ST6GALNAC3: variants seen among roughly 807,000 people sequenced by gnomAD.
The protein encoded by ST6GALNAC3 is ST6 N-acetylgalactosaminide alpha-2,6-sialyltransferase 3.
A neutral mutation model predicts 32.7 loss-of-function variants in ST6GALNAC3; 25 were observed. The observed-to-expected ratio is 0.76, with a 90% CI of 0.56 to 1.07. ST6GALNAC3 has a LOEUF of 1.07. ST6GALNAC3 is among the 50% of genes least tolerant of loss of function. The pLI is 0.00. For missense variants in ST6GALNAC3, 355 were observed against 382.4 expected (o/e 0.93, Z 0.60); for synonymous variants, 129 against 133.1 (o/e 0.97, Z 0.21).
At chr1:76,525,737 GTA>G (rs199929352) in intron 3 of ST6GALNAC3, among the ~76,000 whole-genome samples, 3,386 of 130,700 alleles carry the variant, frequency 0.026, 222 homozygotes, top group South Asian at 0.052. Context: ...GTGTGTATAT[GTA>G]TATATATATG....
intron 3 of ST6GALNAC3, among the ~76,000 whole-genome samples, chr1:76,444,740 A>G (rs1461325682): frequency 6.6e-6 from 1 of 152,154 alleles, no homozygotes; most frequent in Non-Finnish European, 1.5e-5. Flanking sequence ...TCTAACAGTG[A>G]GAAGAGTAAC....
At chr1:76,311,725 G>A (rs900987641) in intron 1 of ST6GALNAC3, among the ~76,000 whole-genome samples, 27 of 152,078 alleles carry the variant, frequency 1.8e-4, no homozygotes, top group African/African-American at 6.3e-4. Context: ...ATTGTGAATG[G>A]TGCTGCAATA....
At chr1:76,116,163 A>G (rs1260529320) in intron 1 of ST6GALNAC3, among the ~76,000 whole-genome samples, 2 of 152,102 alleles carry the variant, frequency 1.3e-5, no homozygotes, top group African/African-American at 4.8e-5. Flanking sequence ...GTGTGACCTT[A>G]TGCAAAGGCA....
chr1:76,509,365 G>A lies in ST6GALNAC3; in HGVS notation c.623+96948G>A, dbSNP rs1017414816. On this transcript the variant is annotated intron_variant, in intron 3 of 4. Transcript: ENST00000328299. This position sits in a 1 kb window ranked among gnomAD's most constrained non-coding sequence, Gnocchi z 5.5. ...TCAGATGAACTTCATATTAAGAATGGGTGGAAATTTATAATATTGGGGTTT... is the reference window on the plus strand; with the variant it reads ...TCAGATGAACTTCATATTAAGAATGAGTGGAAATTTATAATATTGGGGTTT... Among the ~76,000 whole-genome samples, 1 of 152,134 alleles carries A rather than the reference G, an allele frequency of 6.6e-6. No individual in the cohort carries two copies. Among genetic ancestry groups the A allele is most frequent in the Non-Finnish European group, 1.5e-5 (1 of 68,032 alleles).
At chr1:76,122,254 C>G (rs181875527) in intron 1 of ST6GALNAC3, among the ~76,000 whole-genome samples, 56 of 152,306 alleles carry the variant, frequency 3.7e-4, no homozygotes, top group African/African-American at 1.3e-3. Flanking sequence ...AAGTTTAAAT[C>G]TAGGTCTTCT....
chr1:76,321,033 G>T (rs142697164), intron 2 of ST6GALNAC3, among the ~76,000 whole-genome samples: 1 of 151,458 alleles, frequency 6.6e-6, no homozygotes, highest in East Asian at 1.9e-4. Context: ...TGCCTTTTGC[G>T]GTTGTCTACT....
At chr1:76,081,723 G>A (rs772581629) in intron 1 of ST6GALNAC3, among the ~76,000 whole-genome samples, 1 of 152,172 alleles carries the variant, frequency 6.6e-6, no homozygotes, top group Non-Finnish European at 1.5e-5. Flanking sequence ...GAGTGAGGGA[G>A]AGTTGGATTT....
chr1:76,310,898 A>G (rs181994229), intron 1 of ST6GALNAC3, among the ~76,000 whole-genome samples: 1 of 152,118 alleles, frequency 6.6e-6, no homozygotes. Context: ...GCTGAAAACT[A>G]GAAAGTCAAG....
At chr1:76,309,598 A>T (rs1038224709) in intron 1 of ST6GALNAC3, among the ~76,000 whole-genome samples, 1 of 152,142 alleles carries the variant, frequency 6.6e-6, no homozygotes, top group Non-Finnish European at 1.5e-5. Context: ...TCTGGAGCAC[A>T]CAGTGTACTT....
chr1:76,364,837 G>T (rs1052951755), intron 2 of ST6GALNAC3, among the ~76,000 whole-genome samples: 5 of 152,066 alleles, frequency 3.3e-5, no homozygotes, highest in Non-Finnish European at 7.4e-5. Flanking sequence ...GACAAATGTT[G>T]GAAGATGTAG....
intron 3 of ST6GALNAC3, among the ~76,000 whole-genome samples, chr1:76,539,921 G>A (rs1663883302): frequency 6.6e-6 from 1 of 152,198 alleles, no homozygotes; most frequent in Non-Finnish European, 1.5e-5. Context: ...ATGCAAATTA[G>A]TTCAACCACT....
At chr1:76,279,520 C>T (rs934471428) in intron 1 of ST6GALNAC3, among the ~76,000 whole-genome samples, 3 of 152,148 alleles carry the variant, frequency 2.0e-5, no homozygotes, top group African/African-American at 4.8e-5. Context: ...ACAGAAGAAA[C>T]GGGAAAGAGG....
At chr1:76,297,810 T>C (rs989761483) in intron 1 of ST6GALNAC3, among the ~76,000 whole-genome samples, 1 of 152,076 alleles carries the variant, frequency 6.6e-6, no homozygotes, top group Non-Finnish European at 1.5e-5. Flanking sequence ...ATTTGTACTG[T>C]ATCTGTTTGT....
At chr1:76,333,947 A>G (rs567798368) in intron 2 of ST6GALNAC3, among the ~76,000 whole-genome samples, 2 of 152,318 alleles carry the variant, frequency 1.3e-5, no homozygotes, top group South Asian at 4.1e-4. Flanking sequence ...TTAATTTTCC[A>G]AGATCATATT....
intron 3 of ST6GALNAC3, among the ~76,000 whole-genome samples, chr1:76,426,023 C>T (rs1304668280): frequency 2.0e-5 from 3 of 151,810 alleles, no homozygotes; most frequent in Non-Finnish European, 2.9e-5. Context: ...AGCATATATT[C>T]TATAACTCAG....
At chr1:76,168,499 T>G (rs917182407) in intron 1 of ST6GALNAC3, among the ~76,000 whole-genome samples, 2 of 152,372 alleles carry the variant, frequency 1.3e-5, no homozygotes, top group Non-Finnish European at 2.9e-5. Flanking sequence ...GATCTAATGC[T>G]GAGTTCTGGT....
In ST6GALNAC3 at chr1:76,601,544, A is replaced by G. The variant is rs367674077; in HGVS notation, c.624-25908A>G. On this transcript the variant is annotated intron_variant, in intron 3 of 4. Transcript: ENST00000328299. ...TTAAATTGAAGGATAAAGAAAGAAA[A>G]TTTAAACCTATAGAACTCCTACCAA... Among the ~76,000 whole-genome samples, 43 of 152,344 alleles carry G rather than the reference A, an allele frequency of 2.8e-4. 2 individuals are homozygous for G. The highest frequency in any genetic ancestry group is 1.0e-3 in the African/African-American group (43 of 41,584).
At position 76,079,892 on chromosome 1, in the gene ST6GALNAC3, C is replaced by T. The variant is rs75693869; in HGVS notation, c.18+5008C>T. On this transcript the variant is annotated intron_variant, in intron 1 of 4. Coordinates refer to ENST00000328299, the MANE Select transcript of ST6GALNAC3 (RefSeq NM_152996.4). The stretch of plus-strand genomic sequence containing the variant: ...CATCCCCTGCCTCAGCAGGCTTCCT[C>T]TGTGCTCCTGTGGTCTTAGTTCTTG... Among the ~76,000 whole-genome samples, 861 of 152,326 alleles carry T rather than the reference C, an allele frequency of 5.7e-3. 7 individuals are homozygous for T. The highest frequency in any genetic ancestry group is 0.019 in the African/African-American group (770 of 41,566).
intron 1 of ST6GALNAC3, among the ~76,000 whole-genome samples, chr1:76,204,809 A>G (rs1654730986): frequency 6.6e-6 from 1 of 152,116 alleles, no homozygotes; most frequent in South Asian, 2.1e-4. Context: ...ATCGAGTGAG[A>G]GATAATATGG....
Sources: allele counts gnomAD v4.1 joint callset (sites outside exome capture counted in the v4.1 genomes callset), GRCh38; gene constraint gnomAD v4.1.1; non-coding constraint Gnocchi (gnomAD v3.1); transcripts MANE v1.5; gene names NCBI Gene and HGNC (gene_info 2026-07-23, HGNC 2026-07-21).